Variants in PACRG observed in about 807,000 individuals in gnomAD.
PACRG encodes the protein parkin coregulated gene protein.
A neutral mutation model predicts 29.7 loss-of-function variants in PACRG; 29 were observed. The observed-to-expected ratio is 0.98, with a 90% CI of 0.73 to 1.33. The LOEUF is 1.33. PACRG is among the 40% of genes most tolerant of loss of function. The pLI is 0.00. For missense variants in PACRG, 279 were observed against 316.2 expected (o/e 0.88, Z 0.89); for synonymous variants, 116 against 118.7 (o/e 0.98, Z 0.15).
At position 163,256,310 on chromosome 6, in the gene PACRG, C is replaced by T. The variant is rs369644576; in HGVS notation, c.614-58517C>T. Among the ~76,000 whole-genome samples the T allele has an allele frequency of 4.6e-5, 7 of 152,344 alleles. No homozygotes were observed. The East Asian group carries it at 5.8e-4, about 13-fold the overall frequency. On this transcript the variant is annotated intron_variant, in intron 4 of 4. Transcript: ENST00000366888. ...AACAAACACATGCTGAGTCCCACCA[C>T]GTGCGGGGCACTATTCTGGGTGCTG...
At chr6:163,151,424 G>A (rs968757038) in intron 4 of PACRG, among the ~76,000 whole-genome samples, 5 of 152,098 alleles carry the variant, frequency 3.3e-5, no homozygotes, top group African/African-American at 1.2e-4. Flanking sequence ...ATATGTTCCC[G>A]TCCTCATCGG....
intron 4 of PACRG, among the ~76,000 whole-genome samples, chr6:163,185,127 G>A (rs1490332835): frequency 6.6e-6 from 1 of 152,148 alleles, no homozygotes; most frequent in Non-Finnish European, 1.5e-5. Flanking sequence ...TGTAGCCAGG[G>A]ATGGGGAAAG....
rs1198197561 is a variant in PACRG, at chr6:162,787,582, G to GTGTGTATA, written c.157-26564_157-26563insGTGTATAT. Among the ~76,000 whole-genome samples, 384 of 62,342 alleles carry GTGTGTATA rather than the reference G, an allele frequency of 6.2e-3. 2 individuals are homozygous for GTGTGTATA. Among genetic ancestry groups the GTGTGTATA allele is most frequent in the East Asian group, 0.038 (33 of 866 alleles). The allele number at this position is 62,342 out of a possible 152,430, so 40.9% of individuals were successfully genotyped here. On this transcript the variant is annotated intron_variant, in intron 1 of 4. Coordinates refer to ENST00000366888, the MANE Select transcript of PACRG (RefSeq NM_001080379.2). ...ATTGTGTGTGTGTGTGTGTGTGTGT[G>GTGTGTATA]TATATATATATATATATATATATAT...
At chr6:163,114,579 TA>T (rs2128321260) in intron 4 of PACRG, among the ~76,000 whole-genome samples, 1 of 152,270 alleles carries the variant, frequency 6.6e-6, no homozygotes, top group African/African-American at 2.4e-5. Flanking sequence ...GAGGACATTA[TA>T]CTAAGTAAAA....
intron 4 of PACRG, among the ~76,000 whole-genome samples, chr6:163,153,499 T>G (rs1778186777): frequency 1.3e-5 from 2 of 152,230 alleles, no homozygotes; most frequent in Admixed American, 1.3e-4. Flanking sequence ...ATACAAAAAA[T>G]GGTGAATTTT....
At chr6:163,215,356 G>A (rs1210609296) in intron 4 of PACRG, among the ~76,000 whole-genome samples, 1 of 152,144 alleles carries the variant, frequency 6.6e-6, no homozygotes. Context: ...ATCTTGGCAT[G>A]GCATATTTTT....
intron 1 of PACRG, among the ~76,000 whole-genome samples, chr6:162,754,279 CT>C (rs1210591498): frequency 2.6e-5 from 4 of 152,036 alleles, no homozygotes; most frequent in Non-Finnish European, 5.9e-5. Flanking sequence ...ATTTGTATCT[CT>C]TTTTTTGAGA....
intron 1 of PACRG, among the ~76,000 whole-genome samples, chr6:162,748,885 C>T (rs139964227): frequency 3.2e-4 from 49 of 152,290 alleles, no homozygotes; most frequent in African/African-American, 1.2e-3. Flanking sequence ...TAAGCCTTGA[C>T]AGCAATCAAG....
chr6:163,038,976 C>T (rs544259515), intron 2 of PACRG, among the ~76,000 whole-genome samples: 155 of 152,216 alleles, frequency 1.0e-3, no homozygotes, highest in Middle Eastern at 6.8e-3. Flanking sequence ...TATAAAATAT[C>T]CTAGTTAACT....
At chr6:162,770,654 T>C (rs975420552) in intron 1 of PACRG, among the ~76,000 whole-genome samples, 1 of 152,162 alleles carries the variant, frequency 6.6e-6, no homozygotes, top group Non-Finnish European at 1.5e-5. Context: ...TGCATTTTCA[T>C]TGCAGGCATC....
intron 2 of PACRG, among the ~76,000 whole-genome samples, chr6:162,917,143 T>C (rs1796752302): frequency 6.6e-6 from 1 of 152,196 alleles, no homozygotes; most frequent in Non-Finnish European, 1.5e-5. Flanking sequence ...CATGTTATTT[T>C]GAGAAACTCG....
intron 2 of PACRG, among the ~76,000 whole-genome samples, chr6:162,908,128 T>C (rs1050301354): frequency 1.3e-5 from 2 of 152,232 alleles, no homozygotes; most frequent in Non-Finnish European, 2.9e-5. Flanking sequence ...CATATATTAA[T>C]ACTTACATAA....
intron 2 of PACRG, among the ~76,000 whole-genome samples, chr6:162,987,389 G>A (rs1422689327): frequency 6.6e-6 from 1 of 152,124 alleles, no homozygotes; most frequent in Non-Finnish European, 1.5e-5. Context: ...GCATGATATG[G>A]TTTGGCTATG....
intron 2 of PACRG, chr6:163,046,758 G>A (rs1330383767): frequency 6.6e-6 from 1 of 151,796 alleles, no homozygotes; most frequent in East Asian, 1.9e-4. Context: ...CCACTAACTG[G>A]CCCCATCTCT....
At chr6:163,068,409 G>T (rs1316051532) in intron 3 of PACRG, among the ~76,000 whole-genome samples, 1 of 151,134 alleles carries the variant, frequency 6.6e-6, no homozygotes, top group African/African-American at 2.4e-5. Flanking sequence ...GTGACCTATT[G>T]GCCTCCAATC....
chr6:163,247,443 T>G (rs918703846), intron 4 of PACRG, among the ~76,000 whole-genome samples: 44 of 152,202 alleles, frequency 2.9e-4, no homozygotes, highest in Non-Finnish European at 2.2e-4. Flanking sequence ...CTTTATATTA[T>G]GTAGTTTATC....
rs534198282 is a variant in PACRG at position 162,824,075 on chromosome 6, T to C, written c.291+9794T>C. Among the ~76,000 whole-genome samples, 6 of 152,294 alleles carry C rather than the reference T, an allele frequency of 3.9e-5. No individual in the cohort carries two copies. In the South Asian group the frequency reaches 1.2e-3, roughly 32 times the overall value. On this transcript the variant is annotated intron_variant, in intron 2 of 4. Transcript: ENST00000366888. ...CTCTGTCTTTGCCTGCCTTTACCTATAGCATTTTGCTTGTGGGACACACTG... is the reference window on the plus strand; with the variant it reads ...CTCTGTCTTTGCCTGCCTTTACCTACAGCATTTTGCTTGTGGGACACACTG...
At chr6:162,916,227 T>C (rs1796687124) in intron 2 of PACRG, among the ~76,000 whole-genome samples, 1 of 152,194 alleles carries the variant, frequency 6.6e-6, no homozygotes, top group South Asian at 2.1e-4. Context: ...TCTTATGACC[T>C]TCATAGTTTC....
intron 4 of PACRG, among the ~76,000 whole-genome samples, chr6:163,213,422 G>A (rs1288789342): frequency 6.6e-6 from 1 of 152,162 alleles, no homozygotes; most frequent in Non-Finnish European, 1.5e-5. Flanking sequence ...GATGTTATTG[G>A]GACAACTGGC....
Sources: gnomAD v4.1 joint callset for allele counts (sites outside exome capture counted in the v4.1 genomes callset) on GRCh38, gnomAD v4.1.1 for gene constraint, MANE v1.5 for transcripts, NCBI Gene and HGNC (gene_info 2026-07-23, HGNC 2026-07-21) for gene names.